The following FNDC1 variants were observed in gnomAD, a reference collection of about 807,000 sequenced individuals.
The protein encoded by FNDC1 is fibronectin type III domain-containing protein 1.
FNDC1 carries 96 observed loss-of-function variants against 168.0 expected under a neutral mutation model. The observed-to-expected ratio is 0.57, with a 90% CI of 0.48 to 0.68. The LOEUF (loss-of-function observed/expected upper bound fraction) is 0.68, where lower values mean the gene tolerates loss of function less well. Ranked by LOEUF, FNDC1 falls within the 30% of genes least tolerant of loss-of-function variation. The probability of loss-of-function intolerance (pLI) is 0.00; values close to 1 mark genes in which losing one functional copy is unlikely to be tolerated. For synonymous variants in FNDC1, 1,099 were observed against 1,025.9 expected (o/e 1.07, Z -1.36); for missense variants, 2,587 against 2,482.1 (o/e 1.04, Z -0.90).
rs563990864 is a variant in FNDC1, at chr6:159,172,022, A to C, written c.109+2317A>C. Among the ~76,000 whole-genome samples, 21 of 152,334 alleles carry C rather than the reference A, an allele frequency of 1.4e-4. 1 individual carries two copies. The East Asian group carries it at 3.5e-3, about 25-fold the overall frequency. On this transcript the variant is annotated intron_variant, in intron 1 of 22. Coordinates refer to ENST00000297267, the MANE Select transcript of FNDC1 (RefSeq NM_032532.3). ...CAAGGCAGGGACATCACCATGCACT[A>C]GTAGTCTTTGAATTTTGGGGGGACT...
At chr6:159,220,142 C>T (rs532644672) in intron 5 of FNDC1, among the ~76,000 whole-genome samples, 1 of 152,324 alleles carries the variant, frequency 6.6e-6, no homozygotes, top group South Asian at 2.1e-4. Context: ...AGAGAGCAGG[C>T]TGTCAAATAT....
chr6:159,212,373 A>G (rs1199062469), intron 4 of FNDC1, among the ~76,000 whole-genome samples: 1 of 152,260 alleles, frequency 6.6e-6, no homozygotes, highest in East Asian at 1.9e-4. Flanking sequence ...CAGCCCAGAG[A>G]GAACACTTAA....
intron 4 of FNDC1, among the ~76,000 whole-genome samples, chr6:159,206,315 C>G (rs888209333): frequency 6.6e-6 from 1 of 152,252 alleles, no homozygotes; most frequent in African/African-American, 2.4e-5. Flanking sequence ...CTGTCTGTGA[C>G]ATTACTTTCA....
intron 1 of FNDC1, among the ~76,000 whole-genome samples, chr6:159,174,997 A>T (rs947105292): frequency 6.6e-6 from 1 of 152,220 alleles, no homozygotes; most frequent in African/African-American, 2.4e-5. Context: ...TATTCTAATT[A>T]TTATAATAAT....
At chr6:159,216,528 C>T (rs896202804) in intron 5 of FNDC1, among the ~76,000 whole-genome samples, 3 of 152,176 alleles carry the variant, frequency 2.0e-5, no homozygotes, top group African/African-American at 7.2e-5. Context: ...ACTTATCCCT[C>T]GGGCCTGATG....
chr6:159,198,411 A>G (rs908026086), intron 2 of FNDC1, among the ~76,000 whole-genome samples: 1 of 152,136 alleles, frequency 6.6e-6, no homozygotes, highest in African/African-American at 2.4e-5. Flanking sequence ...ACCACAGCTG[A>G]CCACACTTAC....
intron 21 of FNDC1, among the ~76,000 whole-genome samples, chr6:159,267,084 T>C (rs1777608583): frequency 6.6e-6 from 1 of 152,226 alleles, no homozygotes. Flanking sequence ...AAAATATATT[T>C]TGGGCATTTT....
In FNDC1 at chr6:159,232,999, G is replaced by A. The variant is rs1222496651; in HGVS notation, c.2487G>A (p.Gly829=). The A allele has an allele frequency of 6.2e-7, 1 of 1,612,580 alleles. No individual in the cohort carries two copies. The highest frequency in any genetic ancestry group is 1.1e-5 in the South Asian group (1 of 90,850). ...GACACAAACCCTTTGCTGCCAACGG[G>A]AGGTCTCCAAGCAGGTTCAGCATTG... ...LLRHKPFAAN[G]RSPSRFSIGR... is the part of the protein sequence containing the mutation. Residue 829 remains glycine (G), a synonymous_variant, in exon 11 of 23, where the codon GGG becomes GGA. Coordinates refer to ENST00000297267, the MANE Select transcript of FNDC1 (RefSeq NM_032532.3). This position sits in a 1 kb window ranked among gnomAD's most constrained non-coding sequence, Gnocchi z 4.9.
chr6:159,248,088 G>C (rs1025161318), intron 15 of FNDC1, among the ~76,000 whole-genome samples: 3 of 152,088 alleles, frequency 2.0e-5, no homozygotes, highest in African/African-American at 7.2e-5. Flanking sequence ...TAATCCCAAG[G>C]TTTTCAAACA....
chr6:159,230,038 C>G, intron 10 of FNDC1, 35 bp downstream of exon 10: 1 of 1,557,478 alleles, frequency 6.4e-7, no homozygotes. Flanking sequence ...TCTTCTCTCT[C>G]TCTTCATTCC....
chr6:159,221,524 C>G (rs374875804), intron 5 of FNDC1, 74 bp from the exon 6 acceptor site: 22 of 1,194,676 alleles, frequency 1.8e-5, no homozygotes, highest in Non-Finnish European at 2.6e-5. Flanking sequence ...GCAGAACCCC[C>G]GCTCCAGCCC....
intron 14 of FNDC1, 135 bp downstream of exon 14, chr6:159,240,092 C>G (rs1333395342): frequency 1.6e-5 from 12 of 762,608 alleles, no homozygotes; most frequent in Non-Finnish European, 2.3e-5. Context: ...CATTTTTGGT[C>G]CCAGCAGGTT....
rs758776744 is a variant in FNDC1, at chr6:159,200,499, T to G, written c.392-14T>G. 2 of 1,589,024 alleles carry G rather than the reference T, an allele frequency of 1.3e-6. No individual in the cohort carries two copies. The highest frequency in any genetic ancestry group is 1.7e-6 in the Non-Finnish European group (2 of 1,165,832). Reference sequence around the variant, plus strand: ...CCTCGTTTCTAACTATCAAGTTGCATTTCCCTAATTTAGGAGGTGAATGGA... The same window carrying G: ...CCTCGTTTCTAACTATCAAGTTGCAGTTCCCTAATTTAGGAGGTGAATGGA... On this transcript the variant is annotated splice_polypyrimidine_tract_variant and intron_variant, in intron 3 of 22. Coordinates refer to ENST00000297267, the MANE Select transcript of FNDC1 (RefSeq NM_032532.3).
Position 159,266,186 on chromosome 6 carries a change from T to C in FNDC1, c.5387T>C (p.Val1796Ala). 1 of 1,613,962 alleles carries C rather than the reference T, an allele frequency of 6.2e-7. No homozygotes were observed. Among genetic ancestry groups the C allele is most frequent in the South Asian group, 1.1e-5 (1 of 91,074 alleles). ...AAGCGCACGTGGTATCGAAAGTTCG[T>C]GGGAGTTGTTCTTTGTAATTCACTG... ...YVKRTWYRKF[V>A]GVVLCNSLRY... Residue 1796 changes from valine (V) to alanine (A), a missense_variant, in exon 21 of 23, where the codon GTG becomes GCG. Val to Ala is a moderately conservative substitution (Grantham distance 64). Transcript: ENST00000297267.
At chr6:159,171,539 C>T (rs1162343063) in intron 1 of FNDC1, among the ~76,000 whole-genome samples, 1 of 152,158 alleles carries the variant, frequency 6.6e-6, no homozygotes, top group Non-Finnish European at 1.5e-5. Context: ...GCCAGAATCT[C>T]TGTAAGGAAA....
intron 1 of FNDC1, among the ~76,000 whole-genome samples, chr6:159,187,356 G>A (rs1209931725): frequency 6.6e-6 from 1 of 152,176 alleles, no homozygotes; most frequent in East Asian, 1.9e-4. Flanking sequence ...ACCTGACAAA[G>A]CGCTGGGTGG....
Position 159,225,608 on chromosome 6 carries a change from G to C in FNDC1, c.958G>C (p.Val320Leu), listed in dbSNP as rs1423224867. The C allele has an allele frequency of 1.2e-6, 2 of 1,613,966 alleles. No homozygotes were observed. Among genetic ancestry groups the C allele is most frequent in the South Asian group, 2.2e-5 (2 of 91,068 alleles). Residue 320 changes from valine (V) to leucine (L), a missense_variant, in exon 8 of 23, where the codon GTG (valine) becomes CTG (leucine). By Grantham distance (32) the Val-to-Leu change is conservative (BLOSUM62 1). Coordinates refer to ENST00000297267, the MANE Select transcript of FNDC1 (RefSeq NM_032532.3). ...WDYKQIANRR[V>L]LIENLIPDTV... ...TTATAAGCAGATCGCTAACAGGCGTGTGCTGATTGAGAACCTGATTCCAGA... is the reference window on the plus strand; with the variant it reads ...TTATAAGCAGATCGCTAACAGGCGTCTGCTGATTGAGAACCTGATTCCAGA...
chr6:159,242,412 C>G (rs565355258), intron 14 of FNDC1, among the ~76,000 whole-genome samples: 2 of 152,216 alleles, frequency 1.3e-5, no homozygotes, highest in South Asian at 4.2e-4. Context: ...ATGGGTTGAT[C>G]TGTCCAGCAA....
In FNDC1 at chr6:159,211,027, C is replaced by G. The variant is rs535608815; in HGVS notation, c.461-3918C>G. Among the ~76,000 whole-genome samples the G allele has an allele frequency of 5.3e-5, 8 of 152,282 alleles. 1 individual carries two copies. In the South Asian group the frequency reaches 1.7e-3, roughly 32 times the overall value. ...ACACTGAACTTCGAGCACCATGGCT[C>G]CGGCCTAAATGGCTGGACACCCCCT... On this transcript the variant is annotated intron_variant, in intron 4 of 22. Coordinates refer to ENST00000297267, the MANE Select transcript of FNDC1 (RefSeq NM_032532.3).
Sources: allele counts gnomAD v4.1 joint callset (sites outside exome capture counted in the v4.1 genomes callset), GRCh38; gene constraint gnomAD v4.1.1; non-coding constraint Gnocchi (gnomAD v3.1); transcripts MANE v1.5; gene names NCBI Gene and HGNC (gene_info 2026-07-23, HGNC 2026-07-21).